Variants in LEO1 observed in about 807,000 individuals in gnomAD.
LEO1 encodes the protein RNA polymerase-associated protein LEO1.
LEO1 carries 34 observed loss-of-function variants against 80.4 expected under a neutral mutation model. That is an observed-to-expected ratio of 0.42 (90% CI 0.32 to 0.56). The LOEUF is 0.56. Ranked by LOEUF, LEO1 falls within the 20% of genes least tolerant of loss-of-function variation. The probability of loss-of-function intolerance (pLI) is 0.10; values close to 1 mark genes in which losing one functional copy is unlikely to be tolerated. For synonymous variants in LEO1, 262 were observed against 274.9 expected, an observed-to-expected ratio of 0.95 and a Z score of 0.46; for missense variants, 631 against 814.2, an observed-to-expected ratio of 0.77 and a Z score of 2.74.
At chr15:51,947,927 A>G (rs181404908) in intron 10 of LEO1, among the ~76,000 whole-genome samples, 1 of 152,346 alleles carries the variant, frequency 6.6e-6, no homozygotes, top group Admixed American at 6.5e-5. Flanking sequence ...ACTTTTAAAG[A>G]TGAAAAAGGT....
At chr15:51,971,657 G>A (rs1474330955) in intron 1 of LEO1, 31 bp downstream of exon 1, 4 of 1,609,600 alleles carry the variant, frequency 2.5e-6, no homozygotes, top group African/African-American at 2.7e-5. Flanking sequence ...GGCCTGCCAC[G>A]CACCCATCCT....
At chr15:51,951,096 G>A (rs2056945060) in intron 9 of LEO1, among the ~76,000 whole-genome samples, 1 of 152,228 alleles carries the variant, frequency 6.6e-6, no homozygotes, top group African/African-American at 2.4e-5. Flanking sequence ...CTGACCATAA[G>A]ATTTGTAAGA....
At chr15:51,963,433 A>C (rs17649801) in intron 2 of LEO1, among the ~76,000 whole-genome samples, 4 of 152,190 alleles carry the variant, frequency 2.6e-5, no homozygotes, top group African/African-American at 9.7e-5. Flanking sequence ...TAGAAGGGCC[A>C]ATTATTTACG....
intron 11 of LEO1, among the ~76,000 whole-genome samples, chr15:51,938,843 G>A (rs2056823443): frequency 6.6e-6 from 1 of 152,292 alleles, no homozygotes; most frequent in East Asian, 1.9e-4. Context: ...GATAGAATTT[G>A]AACATGTCAG....
rs2057009524 is a variant in LEO1 at position 51,958,916 on chromosome 15, A to G, written c.1161-90T>C. The stretch of plus-strand genomic sequence containing the variant: ...AACATCTCTATTAATAAACACCATT[A>G]TATCAAAAAATCATAATATAATTTT... On this transcript the variant is annotated intron_variant, in intron 5 of 11. Transcript: ENST00000299601. 4 of 574,026 alleles carry G rather than the reference A, an allele frequency of 7.0e-6. No individual in the cohort carries two copies. The Admixed American group carries it at 1.4e-4, about 20-fold the overall frequency. The allele number at this position is 574,026 out of a possible 1,614,324, so 35.6% of individuals were successfully genotyped here.
rs2057017031 is a variant in LEO1 at position 51,959,901 on chromosome 15, G to A, written c.1158C>T (p.Pro386=). The A allele has an allele frequency of 1.9e-6, 3 of 1,584,384 alleles. No individual in the cohort carries two copies. The highest frequency in any genetic ancestry group is 8.6e-7 in the Non-Finnish European group (1 of 1,168,240). ...AAAATTTTAATTGATTTCCTTACCT[G>A]GGCTCTACACTGAGAAAGTTGGGCA... ...VKLPNFLSVE[P]RPFDPQYYED... The change falls in exon 5 of 12, where the codon CCC becomes CCT. Residue 386 remains proline, a splice_region_variant and synonymous_variant. Coordinates refer to ENST00000299601, the MANE Select transcript of LEO1 (RefSeq NM_138792.4).
intron 5 of LEO1, 73 bp from the exon 6 acceptor site, chr15:51,958,899 T>C: frequency 1.4e-6 from 1 of 707,148 alleles, no homozygotes; most frequent in Non-Finnish European, 2.3e-6. Context: ...ATAACATCTC[T>C]ATTAATAAAC....
chr15:51,941,565 C>G (rs76739606), intron 11 of LEO1, among the ~76,000 whole-genome samples: 2 of 152,170 alleles, frequency 1.3e-5, no homozygotes, highest in Admixed American at 6.6e-5. Flanking sequence ...CTCCATGTTT[C>G]TTTCAGCTTG....
rs749890757 is a variant in LEO1, at chr15:51,960,756, C to CATTA, written c.920-27_920-24dup. The CATTA allele has an allele frequency of 4.4e-6, 6 of 1,368,554 alleles. No individual in the cohort carries two copies. The African/African-American group carries it at 8.5e-5, about 19-fold the overall frequency. 84.8% of individuals were successfully genotyped at this position (1,368,554 alleles called of 1,614,324 possible). A position where few individuals can be genotyped will look rare whatever the true frequency, so the allele number is the denominator to read the frequency against. ...TATCTTCAATGCAGAAGGAAAAAGG[C>CATTA]ATTAGTGTTACTATCTGTAACTAAG... On this transcript the variant is annotated intron_variant, in intron 3 of 11. Coordinates refer to ENST00000299601, the MANE Select transcript of LEO1 (RefSeq NM_138792.4).
intron 1 of LEO1, 93 bp downstream of exon 1, chr15:51,971,595 C>G: frequency 7.5e-7 from 1 of 1,337,754 alleles, no homozygotes; most frequent in Non-Finnish European, 1.1e-6. Flanking sequence ...GAAACGCCAC[C>G]TCTTGCCCGC....
At chr15:51,965,273 C>A (rs556941085) in intron 2 of LEO1, among the ~76,000 whole-genome samples, 23 of 152,302 alleles carry the variant, frequency 1.5e-4, no homozygotes, top group African/African-American at 5.5e-4. Context: ...TAGAGCTTGA[C>A]CATCTCTGGA....
intron 2 of LEO1, 152 bp downstream of exon 2, chr15:51,965,597 A>C: frequency 1.9e-6 from 2 of 1,035,498 alleles, no homozygotes; most frequent in Non-Finnish European, 2.7e-6. Context: ...GATTTAAAAG[A>C]AGCAAAATGT....
chr15:51,943,145 C>G (rs1418594331), intron 11 of LEO1, among the ~76,000 whole-genome samples: 1 of 150,120 alleles, frequency 6.7e-6, no homozygotes, highest in African/African-American at 2.5e-5. Context: ...TTTGGGAGAC[C>G]AATGCGGGCA....
chr15:51,964,111 C>T (rs1200940208), intron 2 of LEO1, among the ~76,000 whole-genome samples: 2 of 151,336 alleles, frequency 1.3e-5, no homozygotes, highest in African/African-American at 4.9e-5. Context: ...GAGGCTGAGG[C>T]AGGAGAATGG....
chr15:51,950,985 C>T (rs80201704), intron 9 of LEO1, among the ~76,000 whole-genome samples: 2,360 of 152,362 alleles, frequency 0.015, 67 homozygotes, highest in East Asian at 0.075. Context: ...CTATATACCA[C>T]TAGGTTAGGT....
At chr15:51,971,651 T>G in intron 1 of LEO1, 37 bp downstream of exon 1, 1 of 1,608,496 alleles carries the variant, frequency 6.2e-7, no homozygotes, top group South Asian at 1.1e-5. Flanking sequence ...GCGGAAGGCC[T>G]GCCACGCACC....
chr15:51,969,127 T>A (rs1323375567), intron 1 of LEO1, among the ~76,000 whole-genome samples: 1 of 151,844 alleles, frequency 6.6e-6, no homozygotes, highest in Non-Finnish European at 1.5e-5. Context: ...TGGCTAATTT[T>A]TTTGTATTTT....
intron 6 of LEO1, among the ~76,000 whole-genome samples, chr15:51,956,118 A>C (rs1248497357): frequency 6.6e-6 from 1 of 152,220 alleles, no homozygotes; most frequent in Non-Finnish European, 1.5e-5. Flanking sequence ...TAGGTTGGCC[A>C]CATATAAATA....
rs534080848 is a variant in LEO1 at position 51,964,026 on chromosome 15, G to A, written c.815-1533C>T. Among the ~76,000 whole-genome samples, 3 of 152,076 alleles carry A rather than the reference G, an allele frequency of 2.0e-5. No individual in the cohort carries two copies. In the East Asian group the frequency reaches 5.8e-4, roughly 29 times the overall value. On this transcript the variant is annotated intron_variant, in intron 2 of 11. Transcript: ENST00000299601. ...TCGAGACCATCCTGGCTAACACGGTGAAACCCTGTCTCTACTAAAAATACA... is the reference window on the plus strand; with the variant it reads ...TCGAGACCATCCTGGCTAACACGGTAAAACCCTGTCTCTACTAAAAATACA...
Sources: allele counts gnomAD v4.1 joint callset (sites outside exome capture counted in the v4.1 genomes callset), GRCh38; gene constraint gnomAD v4.1.1; transcripts MANE v1.5; gene names NCBI Gene and HGNC (gene_info 2026-07-23, HGNC 2026-07-21).